The following THSD7B variants were observed in gnomAD, a reference collection of about 807,000 sequenced individuals.
THSD7B encodes thrombospondin type 1 domain containing 7B.
In THSD7B, 138 loss-of-function variants were observed where a neutral mutation model predicts 213.6. That is an observed-to-expected ratio of 0.65 (90% confidence interval 0.56 to 0.74). THSD7B has a LOEUF of 0.74. Ranked by LOEUF, THSD7B falls within the 30% of genes least tolerant of loss-of-function variation. The pLI, the probability that THSD7B is intolerant of heterozygous loss-of-function variation, is 0.00. For synonymous variants in THSD7B, 742 were observed against 687.0 expected (o/e 1.08, Z -1.25); for missense variants, 1,931 against 1,991.5 (o/e 0.97, Z 0.58).
intron 2 of THSD7B, among the ~76,000 whole-genome samples, chr2:136,964,741 A>G (rs901330237): frequency 6.6e-6 from 1 of 152,016 alleles, no homozygotes; most frequent in African/African-American, 2.4e-5. Flanking sequence ...GGTGGCTCAC[A>G]TCTGTAATCC....
intron 26 of THSD7B, among the ~76,000 whole-genome samples, chr2:137,663,897 G>A (rs1683399325): frequency 6.6e-6 from 1 of 152,154 alleles, no homozygotes; most frequent in South Asian, 2.1e-4. Context: ...TGTCGCCCAG[G>A]CTGCAGTCCA....
At chr2:136,891,043 A>T (rs895040501) in intron 2 of THSD7B, among the ~76,000 whole-genome samples, 40 of 126,398 alleles carry the variant, frequency 3.2e-4, no homozygotes, top group African/African-American at 1.1e-3. Flanking sequence ...ATTATTTTGA[A>T]CTTTTTTTAT....
At chr2:137,314,328 T>C (rs1031812344) in intron 12 of THSD7B, among the ~76,000 whole-genome samples, 2 of 152,258 alleles carry the variant, frequency 1.3e-5, no homozygotes, top group African/African-American at 2.4e-5. Flanking sequence ...ATTCTTCACG[T>C]AGTTCTTGAG....
At chr2:137,486,544 G>T (rs1688449448) in intron 15 of THSD7B, among the ~76,000 whole-genome samples, 1 of 149,024 alleles carries the variant, frequency 6.7e-6, no homozygotes, top group South Asian at 2.2e-4. Context: ...AATAATAATG[G>T]GAGACTTTAA....
chr2:137,220,366 C>T (rs1573894484), intron 7 of THSD7B, among the ~76,000 whole-genome samples: 1 of 151,970 alleles, frequency 6.6e-6, no homozygotes, highest in East Asian at 1.9e-4. Flanking sequence ...AAATAATAAG[C>T]CAAAGATTTG....
At chr2:137,227,793 T>C (rs964791160) in intron 7 of THSD7B, among the ~76,000 whole-genome samples, 3 of 152,178 alleles carry the variant, frequency 2.0e-5, no homozygotes, top group African/African-American at 7.2e-5. Flanking sequence ...TTTGTACAAA[T>C]ATGAATAGTA....
intron 1 of THSD7B, among the ~76,000 whole-genome samples, chr2:136,846,622 G>A (rs1295758641): frequency 2.0e-5 from 3 of 152,096 alleles, no homozygotes; most frequent in Non-Finnish European, 4.4e-5. Flanking sequence ...CATACAGAGT[G>A]CAGGCAACAT....
chr2:137,491,144 A>G (rs989490777), intron 15 of THSD7B, among the ~76,000 whole-genome samples: 7 of 152,196 alleles, frequency 4.6e-5, no homozygotes, highest in East Asian at 1.9e-4. Context: ...CAATGAAACT[A>G]TAACCTCTTA....
At chr2:137,095,145 T>C (rs780633502) in intron 4 of THSD7B, 24 bp downstream of exon 4, 46 of 1,610,276 alleles carry the variant, frequency 2.9e-5, no homozygotes, top group Non-Finnish European at 3.8e-5. Flanking sequence ...ATGCCTTCTT[T>C]AGTGTGAAGG....
At chr2:137,433,626 T>A (rs1687231861) in intron 14 of THSD7B, among the ~76,000 whole-genome samples, 1 of 152,166 alleles carries the variant, frequency 6.6e-6, no homozygotes, top group African/African-American at 2.4e-5. Context: ...AGTGCCGGGA[T>A]TACAGGCATG....
At chr2:137,618,102 T>G (rs2104840042) in intron 18 of THSD7B, among the ~76,000 whole-genome samples, 1 of 152,334 alleles carries the variant, frequency 6.6e-6, no homozygotes, top group South Asian at 2.1e-4. Flanking sequence ...CCATCCTGGT[T>G]AGTATCTTTC....
chr2:137,188,076 G>T (rs1448963621), intron 7 of THSD7B, among the ~76,000 whole-genome samples: 3 of 152,114 alleles, frequency 2.0e-5, no homozygotes, highest in Admixed American at 1.3e-4. Flanking sequence ...GCTCATGGTA[G>T]GTACTCGATA....
chr2:137,448,692 G>A (rs1031705225), intron 14 of THSD7B, among the ~76,000 whole-genome samples: 5 of 152,020 alleles, frequency 3.3e-5, no homozygotes, highest in African/African-American at 9.7e-5. Context: ...CCAGCTACTC[G>A]GGAGGCTGAG....
chr2:137,435,037 C>T (rs897496256), intron 14 of THSD7B, among the ~76,000 whole-genome samples: 1 of 152,030 alleles, frequency 6.6e-6, no homozygotes, highest in Non-Finnish European at 1.5e-5. Context: ...TTTTTTAAAG[C>T]CTTCTTCTAG....
chr2:137,612,973 T>G (rs191408758), intron 17 of THSD7B, among the ~76,000 whole-genome samples: 1 of 152,242 alleles, frequency 6.6e-6, no homozygotes, highest in Non-Finnish European at 1.5e-5. Flanking sequence ...AGGAAGAGCT[T>G]CACAACTTCC....
chr2:137,273,648 A>T (rs1682802467), intron 11 of THSD7B, among the ~76,000 whole-genome samples: 1 of 152,134 alleles, frequency 6.6e-6, no homozygotes, highest in Non-Finnish European at 1.5e-5. Flanking sequence ...AAGAAGAAAG[A>T]TATCGTTGAA....
At chr2:137,246,802 A>G (rs1458966705) in intron 10 of THSD7B, among the ~76,000 whole-genome samples, 1 of 150,898 alleles carries the variant, frequency 6.6e-6, no homozygotes, top group Non-Finnish European at 1.5e-5. Flanking sequence ...TTCTTTTTTC[A>G]GCCTACAAAA....
At chr2:137,369,081 G>A (rs931431699) in intron 12 of THSD7B, among the ~76,000 whole-genome samples, 10 of 127,230 alleles carry the variant, frequency 7.9e-5, no homozygotes, top group African/African-American at 2.4e-4. Context: ...GTTTTGATTT[G>A]AATTTGCCAT....
intron 2 of THSD7B, among the ~76,000 whole-genome samples, chr2:137,039,245 C>G (rs929401805): frequency 1.3e-5 from 2 of 152,246 alleles, no homozygotes; most frequent in South Asian, 2.1e-4. Flanking sequence ...TGCTGAGATC[C>G]TGGATAGGTA....
Sources: allele counts gnomAD v4.1 joint callset (sites outside exome capture counted in the v4.1 genomes callset), GRCh38; gene constraint gnomAD v4.1.1; transcripts MANE v1.5; gene names NCBI Gene and HGNC (gene_info 2026-07-23, HGNC 2026-07-21).